The following LUZP2 variants were observed in gnomAD, a reference collection of about 807,000 sequenced individuals.
LUZP2 encodes the protein leucine zipper protein 2.
A neutral mutation model predicts 51.6 loss-of-function variants in LUZP2; 52 were observed. The ratio of observed to expected loss-of-function variants is 1.01; its 90% CI spans 0.81 to 1.27. The LOEUF (loss-of-function observed/expected upper bound fraction) is 1.27, where lower values mean the gene tolerates loss of function less well. LUZP2 is among the 50% of genes most tolerant of loss of function. The probability of loss-of-function intolerance (pLI) is 0.00; values close to 1 mark genes in which losing one functional copy is unlikely to be tolerated. For synonymous variants in LUZP2, 154 were observed against 137.3 expected (o/e 1.12, Z -0.85); for missense variants, 436 against 395.4 (o/e 1.10, Z -0.87).
At chr11:24,931,307 TA>T (rs1294821892) in intron 7 of LUZP2, among the ~76,000 whole-genome samples, 68 of 152,150 alleles carry the variant, frequency 4.5e-4, no homozygotes, top group African/African-American at 1.5e-3. Context: ...TGGATTGGGT[TA>T]ATTCAAAAGC....
At chr11:24,980,740 G>C (rs1856006424) in intron 8 of LUZP2, among the ~76,000 whole-genome samples, 1 of 151,712 alleles carries the variant, frequency 6.6e-6, no homozygotes, top group Non-Finnish European at 1.5e-5. Flanking sequence ...GGGGCTGTTT[G>C]CATGAAAATA....
intron 5 of LUZP2, among the ~76,000 whole-genome samples, chr11:24,882,405 G>C (rs572710673): frequency 6.5e-5 from 9 of 139,466 alleles, no homozygotes; most frequent in Non-Finnish European, 1.3e-4. Context: ...CCACACCAAA[G>C]AGGTACATGT....
chr11:24,555,198 G>T (rs1401926650), intron 1 of LUZP2, among the ~76,000 whole-genome samples: 2 of 152,096 alleles, frequency 1.3e-5, no homozygotes, highest in East Asian at 3.9e-4. Context: ...AGATTTAGAA[G>T]CGATATGGAA....
At chr11:24,691,811 T>C (rs568085414) in intron 1 of LUZP2, among the ~76,000 whole-genome samples, 1 of 152,116 alleles carries the variant, frequency 6.6e-6, no homozygotes, top group South Asian at 2.1e-4. Context: ...ACTCTATGGG[T>C]GGCAACCTGT....
rs1220458575 is a variant in LUZP2, at chr11:24,741,229, G to A, written c.333+2927G>A. On this transcript the variant is annotated intron_variant, in intron 4 of 11. Coordinates refer to ENST00000336930, the MANE Select transcript of LUZP2 (RefSeq NM_001009909.4). ...CATTGAAATGTTTGAGAGTGACCTC[G>A]GGTTCTCAGAGACTTACAAATGGTG... is the stretch of plus-strand genomic sequence containing the variant. 4.0e-5 allele frequency among the ~76,000 whole-genome samples: 6 copies of A among 151,714 alleles called. No homozygotes were observed. The East Asian group carries it at 1.2e-3, about 29-fold the overall frequency.
rs555230637 is a variant in LUZP2 at position 24,553,562 on chromosome 11, A to G, written c.62+56257A>G. On this transcript the variant is annotated intron_variant, in intron 1 of 11. Transcript: ENST00000336930. ...TACACATTGGCAAATTAGATAAATC[A>G]TAGCCACAGGACCTATGAGCAAGAA... 3.3e-5 allele frequency among the ~76,000 whole-genome samples: 5 copies of G among 152,232 alleles called. No individual in the cohort carries two copies. The South Asian group carries it at 1.0e-3, about 32-fold the overall frequency.
intron 9 of LUZP2, among the ~76,000 whole-genome samples, chr11:25,003,754 C>A (rs1856758738): frequency 6.6e-6 from 1 of 152,154 alleles, no homozygotes; most frequent in Non-Finnish European, 1.5e-5. Context: ...AACGCCCAGA[C>A]TTCAGGGTTG....
chr11:24,794,882 A>T (rs1849507553), intron 5 of LUZP2, among the ~76,000 whole-genome samples: 1 of 152,166 alleles, frequency 6.6e-6, no homozygotes, highest in Non-Finnish European at 1.5e-5. Flanking sequence ...TTAACAAGGT[A>T]GTTAATTTTA....
chr11:25,029,668 C>T (rs539402502), intron 9 of LUZP2, among the ~76,000 whole-genome samples: 3 of 146,342 alleles, frequency 2.0e-5, no homozygotes, highest in Admixed American at 6.9e-5. Flanking sequence ...ACCCGGGAGG[C>T]GGAGGTTGCA....
intron 1 of LUZP2, among the ~76,000 whole-genome samples, chr11:24,583,055 T>C (rs1852929403): frequency 6.6e-6 from 1 of 152,188 alleles, no homozygotes; most frequent in South Asian, 2.1e-4. Flanking sequence ...CTCTTCATTA[T>C]CATTCAGCCC....
At chr11:24,581,997 C>T (rs1852874107) in intron 1 of LUZP2, among the ~76,000 whole-genome samples, 1 of 152,020 alleles carries the variant, frequency 6.6e-6, no homozygotes, top group African/African-American at 2.4e-5. Context: ...CTAAACCACG[C>T]TGGACATGCT....
intron 1 of LUZP2, among the ~76,000 whole-genome samples, chr11:24,507,995 T>C (rs1250656787): frequency 6.6e-6 from 1 of 150,900 alleles, no homozygotes; most frequent in Non-Finnish European, 1.5e-5. Flanking sequence ...ATAATATTTA[T>C]AATAATATAA....
chr11:24,566,156 A>C (rs1852205098), intron 1 of LUZP2, among the ~76,000 whole-genome samples: 1 of 151,834 alleles, frequency 6.6e-6, no homozygotes, highest in African/African-American at 2.4e-5. Context: ...AATATTGTGC[A>C]TAGAAGACAA....
intron 6 of LUZP2, among the ~76,000 whole-genome samples, chr11:24,906,507 A>C (rs755990776): frequency 7.2e-5 from 11 of 151,932 alleles, no homozygotes; most frequent in Non-Finnish European, 1.6e-4. Flanking sequence ...TTTGCTGTGT[A>C]GTAAAATTGT....
At chr11:24,722,484 C>T (rs1383124472) in intron 1 of LUZP2, among the ~76,000 whole-genome samples, 1 of 152,152 alleles carries the variant, frequency 6.6e-6, no homozygotes, top group East Asian at 1.9e-4. Context: ...ATAATCCAAC[C>T]ACATCCCACC....
At chr11:24,520,844 A>G (rs1487854745) in intron 1 of LUZP2, among the ~76,000 whole-genome samples, 1 of 152,216 alleles carries the variant, frequency 6.6e-6, no homozygotes, top group Non-Finnish European at 1.5e-5. Context: ...GGGGAATAGC[A>G]AAGATCATCC....
intron 9 of LUZP2, among the ~76,000 whole-genome samples, chr11:25,035,582 G>T (rs1436170139): frequency 6.6e-6 from 1 of 151,972 alleles, no homozygotes; most frequent in African/African-American, 2.4e-5. Context: ...TTGTTTAGAA[G>T]AATCAATATC....
At chr11:24,822,577 T>A (rs1850392765) in intron 5 of LUZP2, among the ~76,000 whole-genome samples, 1 of 152,158 alleles carries the variant, frequency 6.6e-6, no homozygotes, top group Non-Finnish European at 1.5e-5. Flanking sequence ...ATTGTTCTTT[T>A]AGGGTCCTAA....
intron 10 of LUZP2, among the ~76,000 whole-genome samples, chr11:25,053,180 T>C (rs1358572551): frequency 6.6e-6 from 1 of 152,092 alleles, no homozygotes; most frequent in African/African-American, 2.4e-5. Flanking sequence ...CAAATGAAGA[T>C]GTAGGTATAA....
Sources: gnomAD v4.1 joint callset for allele counts (sites outside exome capture counted in the v4.1 genomes callset) on GRCh38, gnomAD v4.1.1 for gene constraint, MANE v1.5 for transcripts, NCBI Gene and HGNC (gene_info 2026-07-23, HGNC 2026-07-21) for gene names.